The following ZNF282 variants were observed in gnomAD, a reference collection of about 807,000 sequenced individuals.
ZNF282 encodes HTLV-I U5 repressive element-binding protein 1.
A neutral mutation model predicts 61.9 loss-of-function variants in ZNF282; 30 were observed. That is an observed-to-expected ratio of 0.48 (90% CI 0.36 to 0.66). The LOEUF is 0.66. Ranked by LOEUF, ZNF282 falls within the 30% of genes least tolerant of loss-of-function variation. ZNF282 has a pLI of 0.00. For synonymous variants in ZNF282, 396 were observed against 405.0 expected (o/e 0.98, Z 0.27); for missense variants, 788 against 941.4 (o/e 0.84, Z 2.13).
At chr7:149,208,182 C>T (rs578083239) in intron 4 of ZNF282, among the ~76,000 whole-genome samples, 3 of 152,218 alleles carry the variant, frequency 2.0e-5, no homozygotes, top group African/African-American at 7.2e-5. Flanking sequence ...TCTGTCCTCC[C>T]TTGTTTTTTT....
intron 7 of ZNF282, 62 bp from the exon 8 acceptor site, chr7:149,223,750 G>A (rs574494573): frequency 1.4e-6 from 2 of 1,398,260 alleles, no homozygotes; most frequent in Non-Finnish European, 1.9e-6. Context: ...CCCCCTTCGG[G>A]AGCAGTGTGG....
intron 2 of ZNF282, among the ~76,000 whole-genome samples, chr7:149,199,019 G>C (rs1795867827): frequency 6.6e-6 from 1 of 152,116 alleles, no homozygotes; most frequent in African/African-American, 2.4e-5. Flanking sequence ...GAGTTGTCTG[G>C]TTGTCTGCAA....
chr7:149,201,812 G>A (rs1026738246), intron 2 of ZNF282, among the ~76,000 whole-genome samples: 1 of 151,994 alleles, frequency 6.6e-6, no homozygotes, highest in African/African-American at 2.4e-5. Flanking sequence ...AAAAGCCCAT[G>A]TCTGTTTATG....
At chr7:149,211,695 C>T (rs907690092) in intron 5 of ZNF282, among the ~76,000 whole-genome samples, 1 of 152,166 alleles carries the variant, frequency 6.6e-6, no homozygotes, top group African/African-American at 2.4e-5. Context: ...AACCTCATCC[C>T]CCCCTTAGTC....
intron 5 of ZNF282, among the ~76,000 whole-genome samples, chr7:149,212,061 G>A (rs1171710622): frequency 1.3e-5 from 2 of 152,182 alleles, no homozygotes; most frequent in Non-Finnish European, 2.9e-5. Context: ...TTTCTGTGGT[G>A]GTCTCAGCAC....
chr7:149,223,122 G>A (rs1796283910), intron 7 of ZNF282, among the ~76,000 whole-genome samples: 1 of 151,924 alleles, frequency 6.6e-6, no homozygotes, highest in South Asian at 2.1e-4. Context: ...TTACATGCAT[G>A]GGCCACCACT....
intron 7 of ZNF282, 105 bp downstream of exon 7, chr7:149,213,919 ATGTTCT>A: frequency 1.4e-6 from 1 of 736,420 alleles, no homozygotes; most frequent in Non-Finnish European, 2.2e-6. Context: ...TCGTAGGGTG[ATGTTCT>A]GTTGATGGCA....
chr7:149,220,917 GTTTTT>G (rs764989538), intron 7 of ZNF282, among the ~76,000 whole-genome samples: 1 of 47,690 alleles, frequency 2.1e-5, no homozygotes, highest in African/African-American at 4.7e-5. Context: ...CCCCTGGAGG[GTTTTT>G]TTTTTTTTTT....
chr7:149,218,000 C>T (rs1207778024), intron 7 of ZNF282, among the ~76,000 whole-genome samples: 7 of 150,744 alleles, frequency 4.6e-5, no homozygotes, highest in South Asian at 2.1e-4. Context: ...CCCAGCTGCT[C>T]GGGAGGCTGA....
chr7:149,195,815 C>T (rs915479370), intron 1 of ZNF282, 61 bp downstream of exon 1: 4 of 1,339,844 alleles, frequency 3.0e-6, no homozygotes, highest in Non-Finnish European at 3.8e-6. Flanking sequence ...CGGGCTGGGC[C>T]GCGGGACCGG....
rs1318912868 is a variant in ZNF282, at chr7:149,224,795, TC to T, written c.*153del. On this transcript the variant is annotated 3_prime_UTR_variant, in exon 8 of 8. Coordinates refer to ENST00000610704, the MANE Select transcript of ZNF282 (RefSeq NM_003575.4). Reference sequence around the variant, plus strand: ...GGGGTCCCCCAGGGTGGGGCAGGGATCCCCCAGATCTGTCTGGTCTGAATGG... The same window carrying T: ...GGGGTCCCCCAGGGTGGGGCAGGGATCCCCAGATCTGTCTGGTCTGAATGG... 5.0e-5 allele frequency: 66 copies of T among 1,331,666 alleles called. No homozygotes were observed. Among genetic ancestry groups the T allele is most frequent in the Non-Finnish European group, 5.5e-5 (55 of 1,006,366 alleles). 82.5% of individuals were successfully genotyped at this position (1,331,666 alleles called of 1,614,324 possible).
At chr7:149,212,554 T>C in intron 6 of ZNF282, 83 bp downstream of exon 6, 1 of 1,109,420 alleles carries the variant, frequency 9.0e-7, no homozygotes, top group South Asian at 1.5e-5. Context: ...ATTGTGTTTA[T>C]GCAGCTGATA....
At chr7:149,210,077 A>G (rs1393852569) in intron 4 of ZNF282, among the ~76,000 whole-genome samples, 1 of 152,182 alleles carries the variant, frequency 6.6e-6, no homozygotes, top group East Asian at 1.9e-4. Context: ...CTGTCCAACA[A>G]TAGAGCTTAG....
rs749044528 is a variant in ZNF282, at chr7:149,223,871, C to T, written c.1240C>T (p.Pro414Ser). 6.9e-7 allele frequency: 1 copy of T among 1,447,088 alleles called. No individual in the cohort carries two copies. The highest frequency in any genetic ancestry group is 2.7e-5 in the Admixed American group (1 of 37,692). 89.6% of individuals were successfully genotyped at this position (1,447,088 alleles called of 1,614,324 possible). A position where few individuals can be genotyped will look rare whatever the true frequency, so the allele number is the denominator to read the frequency against. The change falls in exon 8 of 8, where the codon CCC becomes TCC. Residue 414 changes from proline (P) to serine (S), a missense_variant. Physicochemically the swap from Pro to Ser is moderately conservative, Grantham distance 74 (BLOSUM62 -1). Transcript: ENST00000610704. ...PPAPPQPQPQ[P>S]QPPQPQLQSQ... is the part of the protein sequence containing the mutation. ...GGCCCCGCCACAGCCCCAGCCCCAG[C>T]CCCAGCCACCGCAGCCGCAGCTGCA...
rs1362726524 is a variant in ZNF282 at position 149,212,412 on chromosome 7, A to G, written c.1007A>G (p.Gln336Arg). 3.7e-6 allele frequency: 6 copies of G among 1,613,032 alleles called. No homozygotes were observed. The highest frequency in any genetic ancestry group is 5.1e-6 in the Non-Finnish European group (6 of 1,179,612). Residue 336 changes from glutamine to arginine, a missense_variant, in exon 6 of 8, where the codon CAG becomes CGG. By Grantham distance (43) the Gln-to-Arg change is conservative. Transcript: ENST00000610704. Reference protein sequence around the residue: ...LLSRIKQEEHQCVWDQQDLAD... With the variant: ...LLSRIKQEEHRCVWDQQDLAD... ...TCCCGGATTAAACAGGAGGAGCATCAGTGCGTGTGGGATCAGCAGGATTTG... is the reference window on the plus strand; with the variant it reads ...TCCCGGATTAAACAGGAGGAGCATCGGTGCGTGTGGGATCAGCAGGATTTG...
At chr7:149,215,195 ATTTTTTTTTTTT>A (rs36096302) in intron 7 of ZNF282, among the ~76,000 whole-genome samples, 1 of 90,660 alleles carries the variant, frequency 1.1e-5, no homozygotes, top group African/African-American at 4.2e-5. Context: ...ATTTCCTGAC[ATTTTTTTTTTTT>A]TTTTTTTTTT....
At chr7:149,213,633 C>G in intron 6 of ZNF282, 68 bp from the exon 7 acceptor site, 1 of 1,275,048 alleles carries the variant, frequency 7.8e-7, no homozygotes, top group South Asian at 1.3e-5. Flanking sequence ...GGATGGTTTT[C>G]AAACCTTTGA....
chr7:149,219,276 C>T (rs1040409355), intron 7 of ZNF282, among the ~76,000 whole-genome samples: 2 of 152,196 alleles, frequency 1.3e-5, no homozygotes, highest in East Asian at 1.9e-4. Flanking sequence ...TTTAGAGGCT[C>T]CTTCCCAGGA....
chr7:149,210,958 C>T (rs536324395), intron 5 of ZNF282, among the ~76,000 whole-genome samples: 3 of 152,310 alleles, frequency 2.0e-5, no homozygotes, highest in South Asian at 2.1e-4. Flanking sequence ...TCATATTATC[C>T]GTTTGTAACT....
Sources: allele counts gnomAD v4.1 joint callset (sites outside exome capture counted in the v4.1 genomes callset), GRCh38; gene constraint gnomAD v4.1.1; transcripts MANE v1.5; gene names NCBI Gene and HGNC (gene_info 2026-07-23, HGNC 2026-07-21).